The following SLC22A4 variants were observed in gnomAD, a reference collection of about 807,000 sequenced individuals.
SLC22A4 encodes the protein ET transporter.
SLC22A4 carries 39 observed loss-of-function variants against 56.6 expected under a neutral mutation model. The ratio of observed to expected loss-of-function variants is 0.69; its 90% CI spans 0.53 to 0.90. The LOEUF is 0.90. Ranked by LOEUF, SLC22A4 falls within the 40% of genes least tolerant of loss-of-function variation. The pLI is 0.00. For synonymous variants in SLC22A4, 241 were observed against 281.4 expected (o/e 0.86, Z 1.44); for missense variants, 594 against 696.5 (o/e 0.85, Z 1.66).
At position 132,337,902 on chromosome 5, in the gene SLC22A4, A is replaced by ATT. The variant is rs34031485; in HGVS notation, c.1444+1915_1444+1916dup. Among the ~76,000 whole-genome samples the ATT allele has an allele frequency of 4.0e-3, 583 of 144,768 alleles. 4 individuals carry two copies. The highest frequency in any genetic ancestry group is 5.7e-3 in the African/African-American group (221 of 39,084). The allele number at this position is 144,768 out of a possible 152,430, so 95.0% of individuals were successfully genotyped here. Reference sequence around the variant, plus strand: ...AGGCGCATGCCACCATGTCCGGCTAATTTTTTTTTTTTTTGTATTTTTAGT... The same window carrying ATT: ...AGGCGCATGCCACCATGTCCGGCTAATTTTTTTTTTTTTTTTGTATTTTTAGT... On this transcript the variant is annotated intron_variant, in intron 8 of 9. Transcript: ENST00000200652.
At chr5:132,328,231 G>T (rs1750735986) in intron 5 of SLC22A4, among the ~76,000 whole-genome samples, 1 of 152,180 alleles carries the variant, frequency 6.6e-6, no homozygotes, top group Non-Finnish European at 1.5e-5. Context: ...GAGTGGAGAG[G>T]ATGGGGCAGG....
intron 1 of SLC22A4, among the ~76,000 whole-genome samples, chr5:132,299,404 A>T (rs201760242): frequency 1.0e-4 from 3 of 29,602 alleles, no homozygotes; most frequent in African/African-American, 1.9e-4. Flanking sequence ...GTTTTATTTT[A>T]TTTTATTTTA....
At chr5:132,328,559 A>T (rs1024802354) in intron 5 of SLC22A4, among the ~76,000 whole-genome samples, 1 of 137,608 alleles carries the variant, frequency 7.3e-6, no homozygotes, top group East Asian at 2.1e-4. Flanking sequence ...TTCAAGTCTC[A>T]GTCAATTTAA....
chr5:132,340,700 G>A lies in SLC22A4; in HGVS notation c.1580G>A (p.Trp527Ter), dbSNP rs771861252. Residue 527 changes from tryptophan (W) to a stop codon, truncating the protein, a stop_gained and splice_region_variant, in exon 9 of 10, where the codon TGG becomes TAG. Transcript: ENST00000200652. LOFTEE classifies it high-confidence loss of function. ...ETLEQMQKVK[W>*]FRSGKKTRDS... ...TTAGAGCAGATGCAGAAAGTGAAAT[G>A]GTAAGTAGGACTTTTAACAAAATGA... 1.2e-6 allele frequency: 2 copies of A among 1,613,714 alleles called. No individual in the cohort carries two copies. The highest frequency in any genetic ancestry group is 8.5e-7 in the Non-Finnish European group (1 of 1,179,752).
At chr5:132,296,796 C>T (rs1462292781) in intron 1 of SLC22A4, among the ~76,000 whole-genome samples, 1 of 152,196 alleles carries the variant, frequency 6.6e-6, no homozygotes, top group Non-Finnish European at 1.5e-5. Context: ...TCCCTGGCAG[C>T]TGGGCTGACC....
chr5:132,305,749 A>T (rs1750012942), intron 1 of SLC22A4, among the ~76,000 whole-genome samples: 1 of 152,254 alleles, frequency 6.6e-6, no homozygotes, highest in South Asian at 2.1e-4. Context: ...ACAAAACTTG[A>T]GAGAATTGTT....
At chr5:132,307,444 C>T (rs1356283655) in intron 1 of SLC22A4, among the ~76,000 whole-genome samples, 1 of 152,150 alleles carries the variant, frequency 6.6e-6, no homozygotes, top group Non-Finnish European at 1.5e-5. Context: ...TAGTAATGGA[C>T]TGGAATAATT....
At chr5:132,321,938 A>G (rs1386854950) in intron 3 of SLC22A4, among the ~76,000 whole-genome samples, 1 of 151,894 alleles carries the variant, frequency 6.6e-6, no homozygotes, top group Non-Finnish European at 1.5e-5. Flanking sequence ...TAAATTAATT[A>G]AAAATAAATA....
At chr5:132,312,409 T>A in intron 2 of SLC22A4, 145 bp downstream of exon 2, 1 of 684,216 alleles carries the variant, frequency 1.5e-6, no homozygotes, top group South Asian at 1.6e-5. Flanking sequence ...GGAGCCCCGA[T>A]GTCTCCTATT....
rs147776303 is a variant in SLC22A4 at position 132,337,096 on chromosome 5, C to T, written c.1444+1096C>T. On this transcript the variant is annotated intron_variant, in intron 8 of 9. Coordinates refer to ENST00000200652, the MANE Select transcript of SLC22A4 (RefSeq NM_003059.3). Reference sequence around the variant, plus strand: ...CCTACACCCTTTGTGAATTTACTTACGTATATTTGGATTTACAGGTAGATT... The same window carrying T: ...CCTACACCCTTTGTGAATTTACTTATGTATATTTGGATTTACAGGTAGATT... Among the ~76,000 whole-genome samples the T allele has an allele frequency of 2.0e-3, 305 of 150,170 alleles. 3 individuals are homozygous for T. Among genetic ancestry groups the T allele is most frequent in the Middle Eastern group, 0.011 (3 of 278 alleles).
At chr5:132,332,775 G>A (rs778603143) in intron 6 of SLC22A4, among the ~76,000 whole-genome samples, 2 of 145,240 alleles carry the variant, frequency 1.4e-5, no homozygotes, top group African/African-American at 2.6e-5. Context: ...CACGATGATC[G>A]TCAGAACTGG....
At chr5:132,324,877 T>C (rs986922183) in intron 4 of SLC22A4, among the ~76,000 whole-genome samples, 1 of 152,102 alleles carries the variant, frequency 6.6e-6, no homozygotes, top group African/African-American at 2.4e-5. Context: ...CAAAAAAAAA[T>C]CAAAGCAATT....
At chr5:132,315,406 T>C (rs1750315696) in intron 3 of SLC22A4, among the ~76,000 whole-genome samples, 1 of 152,060 alleles carries the variant, frequency 6.6e-6, no homozygotes, top group Non-Finnish European at 1.5e-5. Flanking sequence ...GGTGGTGGCA[T>C]CCCCGGTTCT....
chr5:132,328,678 C>G (rs1750754263), intron 5 of SLC22A4, among the ~76,000 whole-genome samples: 1 of 152,056 alleles, frequency 6.6e-6, no homozygotes, highest in South Asian at 2.1e-4. Flanking sequence ...GCTAGGTGGC[C>G]TGATTCCTAT....
intron 3 of SLC22A4, among the ~76,000 whole-genome samples, chr5:132,317,755 T>G (rs1750404502): frequency 6.6e-6 from 1 of 152,256 alleles, no homozygotes; most frequent in African/African-American, 2.4e-5. Context: ...ATTTTTGATC[T>G]TTTCACCAAG....
chr5:132,319,817 C>G (rs1263706288), intron 3 of SLC22A4, among the ~76,000 whole-genome samples: 2 of 152,178 alleles, frequency 1.3e-5, no homozygotes, highest in African/African-American at 4.8e-5. Flanking sequence ...GTCTCAAACT[C>G]CTGACCTCAG....
intron 3 of SLC22A4, among the ~76,000 whole-genome samples, chr5:132,320,412 A>G (rs58619435): frequency 6.6e-5 from 10 of 152,374 alleles, no homozygotes; most frequent in African/African-American, 2.4e-4. Context: ...CAAGGGGTTT[A>G]GAAACCAGTG....
At chr5:132,343,421 A>G (rs1021299691) in intron 9 of SLC22A4, among the ~76,000 whole-genome samples, 3 of 152,268 alleles carry the variant, frequency 2.0e-5, no homozygotes, top group African/African-American at 7.2e-5. Context: ...GAACATTTAT[A>G]GCAAAAAGTG....
At chr5:132,295,103 C>A in intron 1 of SLC22A4, 94 bp downstream of exon 1, 1 of 1,351,856 alleles carries the variant, frequency 7.4e-7, no homozygotes, top group Non-Finnish European at 1.0e-6. Flanking sequence ...CCCGGGTCAG[C>A]GCTCCCCTCC....
Sources: gnomAD v4.1 joint callset for allele counts (sites outside exome capture counted in the v4.1 genomes callset) on GRCh38, gnomAD v4.1.1 for gene constraint, MANE v1.5 for transcripts, NCBI Gene and HGNC (gene_info 2026-07-23, HGNC 2026-07-21) for gene names.